Variants in UBAP2 observed in about 807,000 individuals in gnomAD.
The protein encoded by UBAP2 is ubiquitin associated protein 2.
UBAP2 carries 75 observed loss-of-function variants against 139.6 expected under a neutral mutation model. That is an observed-to-expected ratio of 0.54 (90% CI 0.45 to 0.65). UBAP2 has a LOEUF of 0.65. UBAP2 is among the 30% of genes least tolerant of loss of function. UBAP2 has a pLI of 0.00. For synonymous variants in UBAP2, 526 were observed against 526.2 expected (o/e 1.00, Z 0.01); for missense variants, 1,368 against 1,369.6 (o/e 1.00, Z 0.02).
intron 2 of UBAP2, among the ~76,000 whole-genome samples, chr9:34,000,505 C>G (rs1168669860): frequency 2.6e-5 from 4 of 152,144 alleles, no homozygotes; most frequent in Non-Finnish European, 5.9e-5. Flanking sequence ...TATACAGGAA[C>G]AATCTGTATC....
At chr9:33,948,876 G>A (rs1825860397) in intron 12 of UBAP2, 4 of 313,344 alleles carry the variant, frequency 1.3e-5, no homozygotes, top group South Asian at 3.7e-5. Flanking sequence ...TTGGCCGGGC[G>A]CGGTGGCTCA....
Position 33,941,710 on chromosome 9 carries a change from T to A in UBAP2, c.1868A>T (p.His623Leu). ...MSSSYDQSSV[H>L]NRIPYQSPVS... ...AGGGCTTTGGTATGGGATCCTGTTA[T>A]GCACAGAACTCTGGTCATAAGAGGA... The change falls in exon 16 of 29, where the codon CAT becomes CTT. Residue 623 changes from histidine to leucine, a missense_variant. Coordinates refer to ENST00000379238, the MANE Select transcript of UBAP2 (RefSeq NM_001370062.2). The A allele has an allele frequency of 6.2e-7, 1 of 1,614,184 alleles. No individual in the cohort carries two copies. Among genetic ancestry groups the A allele is most frequent in the Non-Finnish European group, 8.5e-7 (1 of 1,180,038 alleles).
intron 4 of UBAP2, among the ~76,000 whole-genome samples, chr9:33,989,663 T>G (rs1821531617): frequency 6.6e-6 from 1 of 152,192 alleles, no homozygotes. Flanking sequence ...CCTGACAAAA[T>G]ACTGTACATT....
intron 18 of UBAP2, 42 bp downstream of exon 18, chr9:33,933,448 C>A: frequency 6.2e-7 from 1 of 1,605,662 alleles, no homozygotes; most frequent in Non-Finnish European, 8.5e-7. Flanking sequence ...CCAGGACTTG[C>A]CCCAAGGTAC....
At chr9:34,016,273 A>AGGAGGAGGAGG (rs1824283641) in intron 2 of UBAP2, among the ~76,000 whole-genome samples, 1 of 10,702 alleles carries the variant, frequency 9.3e-5, no homozygotes, top group Non-Finnish European at 2.8e-4. Context: ...GGAGGAAGAG[A>AGGAGGAGGAGG]AGGAGGAAGA....
chr9:33,959,415 T>G (rs1826843373), intron 10 of UBAP2, among the ~76,000 whole-genome samples: 1 of 152,190 alleles, frequency 6.6e-6, no homozygotes, highest in Non-Finnish European at 1.5e-5. Context: ...AAAGTGTGCG[T>G]CATTGTATAT....
chr9:34,010,763 AT>A (rs1471355457), intron 2 of UBAP2, among the ~76,000 whole-genome samples: 7 of 151,704 alleles, frequency 4.6e-5, no homozygotes, highest in Admixed American at 6.6e-5. Context: ...TACAACAAAC[AT>A]TTTTTTTTAA....
Position 34,017,035 on chromosome 9 carries a change from T to C in UBAP2, c.99+15A>G. On this transcript the variant is annotated intron_variant, in intron 2 of 28. Transcript: ENST00000379238. Reference sequence around the variant, plus strand: ...AAAAAAGGAAAAAAAAAAAAAGAGTTCCACAAAAACTTACCTGTACCACTT... The same window carrying C: ...AAAAAAGGAAAAAAAAAAAAAGAGTCCCACAAAAACTTACCTGTACCACTT... 6.4e-7 allele frequency: 1 copy of C among 1,557,472 alleles called. No individual in the cohort carries two copies. The highest frequency in any genetic ancestry group is 8.6e-7 in the Non-Finnish European group (1 of 1,157,032).
rs186931898 is a variant in UBAP2, at chr9:34,012,948, C to T, written c.99+4102G>A. Among the ~76,000 whole-genome samples the T allele has an allele frequency of 2.9e-3, 439 of 150,890 alleles. 2 individuals carry two copies. The highest frequency in any genetic ancestry group is 8.3e-3 in the African/African-American group (340 of 41,092). ...GGCAGATCACCTGAGGTCAGGAATT[C>T]AAAACTGACTAACCTGGCCAACATG... On this transcript the variant is annotated intron_variant, in intron 2 of 28. Coordinates refer to ENST00000379238, the MANE Select transcript of UBAP2 (RefSeq NM_001370062.2).
intron 1 of UBAP2, among the ~76,000 whole-genome samples, chr9:34,022,719 T>C (rs1587676592): frequency 6.6e-6 from 1 of 152,058 alleles, no homozygotes. Flanking sequence ...ATTACAGGTG[T>C]GAGCCATCAT....
chr9:34,017,655 G>A (rs987879624), intron 1 of UBAP2, among the ~76,000 whole-genome samples: 2 of 152,126 alleles, frequency 1.3e-5, no homozygotes, highest in South Asian at 2.1e-4. Flanking sequence ...GGCCGGGTGC[G>A]GTGGCTCACG....
At chr9:33,975,044 C>T (rs1412687467) in intron 6 of UBAP2, among the ~76,000 whole-genome samples, 1 of 152,110 alleles carries the variant, frequency 6.6e-6, no homozygotes, top group Non-Finnish European at 1.5e-5. Context: ...TATTGCTGAT[C>T]ATTAGGGAAA....
At chr9:33,988,456 G>A (rs1252774970) in intron 5 of UBAP2, among the ~76,000 whole-genome samples, 3 of 152,172 alleles carry the variant, frequency 2.0e-5, no homozygotes, top group Non-Finnish European at 4.4e-5. Flanking sequence ...TAATGGAAAT[G>A]AGACCTGCCT....
rs1554692765 is a variant in UBAP2, at chr9:34,035,512, A to ATATATATATATATATAT, written c.-42+13312_-42+13313insATATATATATATATATA. On this transcript the variant is annotated intron_variant, in intron 1 of 28. Transcript: ENST00000379238. ...GCGAGACTCCATCTAAAAAAAAAAA[A>ATATATATATATATATAT]AAATATATATATATAAAGATTAGCC... is the stretch of plus-strand genomic sequence containing the variant. Among the ~76,000 whole-genome samples, 13 of 3,794 alleles carry ATATATATATATATATAT rather than the reference A, an allele frequency of 3.4e-3. 1 individual carries two copies. The highest frequency in any genetic ancestry group is 5.7e-3 in the African/African-American group (13 of 2,290). The allele number at this position is 3,794 out of a possible 152,430, so 2.5% of individuals were successfully genotyped here. A position where few individuals can be genotyped will look rare whatever the true frequency, so the allele number is the denominator to read the frequency against.
intron 4 of UBAP2, chr9:33,995,654 TATATAA>T (rs1399731763): frequency 4.2e-5 from 6 of 144,340 alleles, no homozygotes; most frequent in Non-Finnish European, 9.0e-5. Flanking sequence ...AAAACTATAA[TATATAA>T]ATATAAATAT....
chr9:33,922,701 GA>G lies in UBAP2; in HGVS notation c.3249del (p.Pro1084ArgfsTer127), dbSNP rs1564012324. ...ACTGTACTCACCTGTGCATCCTGCG[GA>G]AGGTGGTGGTGCAGCAGCTGTGAGT... is the stretch of plus-strand genomic sequence containing the variant. ...QPHSQLLHHH[L>X]PQDAQSGSGQ... On this transcript the variant is annotated frameshift_variant, in exon 28 of 29. Transcript: ENST00000379238. LOFTEE classifies it high-confidence loss of function. 1 of 1,550,264 alleles carries G rather than the reference GA, an allele frequency of 6.5e-7. No homozygotes were observed. The highest frequency in any genetic ancestry group is 8.7e-7 in the Non-Finnish European group (1 of 1,148,774).
intron 12 of UBAP2, among the ~76,000 whole-genome samples, chr9:33,951,507 T>C (rs1826106989): frequency 6.6e-6 from 1 of 151,770 alleles, no homozygotes; most frequent in Non-Finnish European, 1.5e-5. Context: ...CCACTACGCC[T>C]GGCTAATTTT....
chr9:33,961,023 G>A (rs978035020), intron 9 of UBAP2, 145 bp from the exon 10 acceptor site: 9 of 704,792 alleles, frequency 1.3e-5, no homozygotes, highest in African/African-American at 3.6e-5. Context: ...GAAACATGAC[G>A]TTCTTAATCT....
chr9:34,027,860 TCA>T (rs1825546870), intron 1 of UBAP2, among the ~76,000 whole-genome samples: 1 of 26,776 alleles, frequency 3.7e-5, no homozygotes, highest in Non-Finnish European at 7.1e-5. Context: ...AGACTCCATC[TCA>T]AAAAAAAAAA....
Sources: allele counts gnomAD v4.1 joint callset (sites outside exome capture counted in the v4.1 genomes callset), GRCh38; gene constraint gnomAD v4.1.1; transcripts MANE v1.5; gene names NCBI Gene and HGNC (gene_info 2026-07-23, HGNC 2026-07-21).